DNAH11: variants seen among roughly 807,000 people sequenced by gnomAD.
The protein encoded by DNAH11 is axonemal beta dynein heavy chain 11.
DNAH11 carries 442 observed loss-of-function variants against 526.0 expected under a neutral mutation model. The observed-to-expected ratio is 0.84, with a 90% CI of 0.78 to 0.91. DNAH11 has a LOEUF of 0.91. Among genes scored for constraint, DNAH11 ranks in the 40% least tolerant of loss-of-function variants. The pLI, the probability that DNAH11 is intolerant of heterozygous loss-of-function variation, is 0.00. For missense variants in DNAH11, 6,989 were observed against 5,448.7 expected (o/e 1.28, Z -8.90); for synonymous variants, 2,461 against 1,935.9 (o/e 1.27, Z -7.12).
chr7:21,657,502 G>A (rs1583568931), intron 29 of DNAH11, among the ~76,000 whole-genome samples: 1 of 152,158 alleles, frequency 6.6e-6, no homozygotes, highest in South Asian at 2.1e-4. Context: ...TACGTGAGCT[G>A]ACATATTGAC....
chr7:21,712,830 A>C (rs1433931438), intron 42 of DNAH11, among the ~76,000 whole-genome samples: 2 of 152,218 alleles, frequency 1.3e-5, no homozygotes, highest in African/African-American at 4.8e-5. Flanking sequence ...CTAACTAATT[A>C]GGCTAATTAA....
intron 42 of DNAH11, among the ~76,000 whole-genome samples, chr7:21,716,926 C>T (rs1027100318): frequency 2.0e-5 from 3 of 152,114 alleles, no homozygotes; most frequent in East Asian, 1.9e-4. Flanking sequence ...ATCATCTTGC[C>T]TTAATGTCTC....
rs569229661 is a variant in DNAH11, at chr7:21,739,587, G to A, written c.7828G>A (p.Val2610Met). ...DYGHWYDRQK[V>M]MLKEIHNCQY... ...GTCTTTCAGGTATGATAGACAGAAG[G>A]TGATGCTTAAAGAAATCCATAACTG... The change falls in exon 48 of 82, where the codon GTG (valine) becomes ATG (methionine). Residue 2610 changes from valine to methionine, a missense_variant. Transcript: ENST00000409508. 4 of 1,612,090 alleles carry A rather than the reference G, an allele frequency of 2.5e-6. No homozygotes were observed. Among genetic ancestry groups the A allele is most frequent in the Middle Eastern group, 1.7e-4 (1 of 6,052 alleles).
At chr7:21,817,135 G>A (rs562933821) in intron 64 of DNAH11, among the ~76,000 whole-genome samples, 5 of 151,886 alleles carry the variant, frequency 3.3e-5, no homozygotes, top group Non-Finnish European at 7.4e-5. Flanking sequence ...CCCAACATTG[G>A]GTGCCTGAAG....
intron 23 of DNAH11, 41 bp from the exon 24 acceptor site, chr7:21,619,059 A>G (rs771101184): frequency 1.9e-6 from 3 of 1,611,566 alleles, no homozygotes; most frequent in East Asian, 2.2e-5. Context: ...AACCGTTCAT[A>G]TATGTGGAAT....
chr7:21,749,619 A>T, intron 52 of DNAH11, 59 bp from the exon 53 acceptor site: 1 of 1,599,806 alleles, frequency 6.3e-7, no homozygotes, highest in Admixed American at 1.7e-5. Context: ...ACTCACACAC[A>T]ACCTCTCAAC....
intron 9 of DNAH11, among the ~76,000 whole-genome samples, chr7:21,586,068 C>T (rs1327715017): frequency 1.3e-5 from 2 of 152,150 alleles, no homozygotes; most frequent in East Asian, 1.9e-4. Context: ...ATAATGTATA[C>T]TGCCTAAAAC....
Position 21,873,407 on chromosome 7 carries a change from C to T in DNAH11, c.12101C>T (p.Pro4034Leu), listed in dbSNP as rs1783574689. 4 of 1,613,846 alleles carry T rather than the reference C, an allele frequency of 2.5e-6. No individual in the cohort carries two copies. Among genetic ancestry groups the T allele is most frequent in the Non-Finnish European group, 3.4e-6 (4 of 1,179,870 alleles). ...SAPTPDEHII[P>L]QGLLENSIKI... is the part of the protein sequence containing the mutation. ...CCTACACCAGATGAGCATATCATCC[C>T]TCAAGGACTCCTGGAAAATTCCATT... The change falls in exon 74 of 82, where the codon CCT becomes CTT. Residue 4034 changes from proline (P) to leucine (L), a missense_variant. Physicochemically the swap from Pro to Leu is moderately conservative, Grantham distance 98. Coordinates refer to ENST00000409508, the MANE Select transcript of DNAH11 (RefSeq NM_001277115.2).
intron 30 of DNAH11, among the ~76,000 whole-genome samples, chr7:21,668,963 C>T (rs1255099913): frequency 1.3e-5 from 2 of 152,088 alleles, no homozygotes; most frequent in African/African-American, 4.8e-5. Flanking sequence ...ATTTCAGTTG[C>T]TTTATATACT....
intron 60 of DNAH11, 41 bp downstream of exon 60, chr7:21,787,624 A>G: frequency 1.3e-6 from 2 of 1,517,458 alleles, no homozygotes; most frequent in Non-Finnish European, 1.8e-6. Context: ...GTTCTCCACA[A>G]AGGGCTGCAA....
In DNAH11 at chr7:21,788,452, G is replaced by A. The variant is rs542595578; in HGVS notation, c.9925-789G>A. On this transcript the variant is annotated intron_variant, in intron 60 of 81. Coordinates refer to ENST00000409508, the MANE Select transcript of DNAH11 (RefSeq NM_001277115.2). ...GTACGGCCTCTCTGCATAATAAAAT[G>A]TCTCAGCCCCGTCTTCTACTTGTAC... Among the ~76,000 whole-genome samples the A allele has an allele frequency of 3.3e-5, 5 of 152,034 alleles. No homozygotes were observed. In the South Asian group the frequency reaches 6.2e-4, roughly 19 times the overall value.
At chr7:21,648,013 A>G (rs1259630142) in intron 28 of DNAH11, among the ~76,000 whole-genome samples, 1 of 152,172 alleles carries the variant, frequency 6.6e-6, no homozygotes, top group Non-Finnish European at 1.5e-5. Context: ...AAAAAATTGG[A>G]GCATTAGCCA....
intron 30 of DNAH11, among the ~76,000 whole-genome samples, chr7:21,659,405 T>C (rs531442168): frequency 1.3e-5 from 2 of 151,878 alleles, no homozygotes; most frequent in South Asian, 4.2e-4. Flanking sequence ...AGAGCAAATA[T>C]TTTCATGGGC....
intron 65 of DNAH11, among the ~76,000 whole-genome samples, chr7:21,830,532 A>G (rs571035786): frequency 1.3e-5 from 2 of 152,226 alleles, no homozygotes; most frequent in Non-Finnish European, 2.9e-5. Context: ...AGAGGCTGAC[A>G]TTATAGGCTG....
At chr7:21,637,479 C>G in intron 26 of DNAH11, 132 bp from the exon 27 acceptor site, 1 of 670,190 alleles carries the variant, frequency 1.5e-6, no homozygotes, top group Non-Finnish European at 2.7e-6. Flanking sequence ...GATGTGGTGT[C>G]AGACATTCTT....
intron 8 of DNAH11, among the ~76,000 whole-genome samples, chr7:21,576,082 C>G (rs1784084822): frequency 6.6e-6 from 1 of 152,172 alleles, no homozygotes; most frequent in Admixed American, 6.5e-5. Context: ...CATGGCTCAC[C>G]TGTCACCGAG....
intron 65 of DNAH11, among the ~76,000 whole-genome samples, chr7:21,822,352 A>G (rs1271414029): frequency 6.6e-6 from 1 of 152,074 alleles, no homozygotes; most frequent in South Asian, 2.1e-4. Context: ...GGCTCTTTTA[A>G]ACAACCATAT....
At chr7:21,557,698 A>G (rs1783275002) in intron 2 of DNAH11, among the ~76,000 whole-genome samples, 1 of 152,188 alleles carries the variant, frequency 6.6e-6, no homozygotes, top group African/African-American at 2.4e-5. Context: ...CTGTTCTTTC[A>G]TCTTAAAGAT....
intron 9 of DNAH11, among the ~76,000 whole-genome samples, chr7:21,587,156 G>T (rs1392301658): frequency 2.6e-5 from 4 of 152,196 alleles, no homozygotes; most frequent in Admixed American, 2.6e-4. Flanking sequence ...GCACACAGAA[G>T]AATCCACATT....
Sources: allele counts gnomAD v4.1 joint callset (sites outside exome capture counted in the v4.1 genomes callset), GRCh38; gene constraint gnomAD v4.1.1; transcripts MANE v1.5; gene names NCBI Gene and HGNC (gene_info 2026-07-23, HGNC 2026-07-21).